Variants in ABCC6 observed in about 807,000 individuals in gnomAD.
ABCC6 encodes ATP binding cassette subfamily C member 6, also known as ATP-binding cassette sub-family C member 6.
A neutral mutation model predicts 169.5 loss-of-function variants in ABCC6; 126 were observed. That is an observed-to-expected ratio of 0.74 (90% CI 0.64 to 0.86). The LOEUF (loss-of-function observed/expected upper bound fraction) is 0.86, where lower values mean the gene tolerates loss of function less well. Ranked by LOEUF, ABCC6 falls within the 40% of genes least tolerant of loss-of-function variation. ABCC6 has a pLI of 0.00. For missense variants in ABCC6, 1,733 were observed against 1,927.2 expected (o/e 0.90, Z 1.89); for synonymous variants, 752 against 814.7 (o/e 0.92, Z 1.31).
At chr16:16,183,193 C>A (rs1211763696) in intron 15 of ABCC6, among the ~76,000 whole-genome samples, 4 of 152,208 alleles carry the variant, frequency 2.6e-5, no homozygotes, top group African/African-American at 7.2e-5. Flanking sequence ...CACAGCAACA[C>A]AATGTGGGCA....
At chr16:16,165,123 T>G (rs543365307) in intron 23 of ABCC6, among the ~76,000 whole-genome samples, 9 of 152,234 alleles carry the variant, frequency 5.9e-5, no homozygotes, top group Admixed American at 2.0e-4. Context: ...AATATTTAAC[T>G]GTGCCGTGGG....
chr16:16,185,118 G>A (rs531716557), intron 14 of ABCC6, 84 bp from the exon 15 acceptor site: 11 of 1,180,532 alleles, frequency 9.3e-6, no homozygotes, highest in East Asian at 4.8e-5. Flanking sequence ...ACCATCCCCC[G>A]CCCCCCCCAG....
intron 21 of ABCC6, among the ~76,000 whole-genome samples, chr16:16,171,403 C>T (rs1237614246): frequency 6.6e-6 from 1 of 152,138 alleles, no homozygotes; most frequent in East Asian, 1.9e-4. Flanking sequence ...TTCTTTATAG[C>T]ACTTATTGTT....
rs769753486 is a variant in ABCC6 at position 16,182,422 on chromosome 16, A to G, written c.2237T>C (p.Ile746Thr). The G allele has an allele frequency of 4.3e-5, 69 of 1,613,716 alleles. No homozygotes were observed. The highest frequency in any genetic ancestry group is 2.2e-4 in the Admixed American group (13 of 59,966). ...DSFPEGIHTSIGEQGMNLSGG... is the reference protein window; with the variant it reads ...DSFPEGIHTSTGEQGMNLSGG... Reference sequence around the variant, plus strand: ...CCCCCAAACTCTCACCTGCTCCCCAATTGAAGTGTGGATTCCCTCAGGGAA... The same window carrying G: ...CCCCCAAACTCTCACCTGCTCCCCAGTTGAAGTGTGGATTCCCTCAGGGAA... Residue 746 changes from isoleucine to threonine, a missense_variant, in exon 17 of 31, where the codon ATT (isoleucine) becomes ACT (threonine). Ile to Thr is a moderately conservative substitution (Grantham distance 89, BLOSUM62 -1). Around this residue, in one of 5 missense-constraint regions of ABCC6, gnomAD observed 1,601 missense variants for 1,635.5 expected, o/e 0.98. Transcript: ENST00000205557.
intron 8 of ABCC6, among the ~76,000 whole-genome samples, chr16:16,202,993 G>C (rs1286039622): frequency 2.6e-5 from 4 of 152,086 alleles, no homozygotes; most frequent in Admixed American, 2.6e-4. Flanking sequence ...TTGGAGGATG[G>C]GGACCCACAT....
intron 17 of ABCC6, among the ~76,000 whole-genome samples, chr16:16,179,443 C>T (rs2047398685): frequency 6.6e-6 from 1 of 152,140 alleles, no homozygotes; most frequent in South Asian, 2.1e-4. Context: ...GGGCAGTGGT[C>T]CCCAGCCTTT....
At chr16:16,206,899 G>T (rs943194438) in intron 7 of ABCC6, among the ~76,000 whole-genome samples, 1 of 152,130 alleles carries the variant, frequency 6.6e-6, no homozygotes, top group Admixed American at 6.6e-5. Context: ...CACCTTGAGA[G>T]GCCAAGGCAG....
At chr16:16,183,452 G>A (rs888326268) in intron 15 of ABCC6, among the ~76,000 whole-genome samples, 13 of 152,054 alleles carry the variant, frequency 8.5e-5, no homozygotes, top group South Asian at 2.1e-4. Context: ...TGACCAGAGG[G>A]ATCTGTTAAA....
chr16:16,173,295 G>C lies in ABCC6; in HGVS notation c.2776C>G (p.Gln926Glu), dbSNP rs775190553. ...AAGCTGGTGGTTACCCTGCCGTATT[G>C]GATGCTGTCCTTTCCTGCTGGCCAT... ...AGWPAGKDSI[Q>E]YGRVKATVHL... Residue 926 changes from glutamine to glutamate, a missense_variant, in exon 21 of 31, where the codon CAA becomes GAA. Physicochemically the swap from Gln to Glu is conservative, Grantham distance 29. Coordinates refer to ENST00000205557, the MANE Select transcript of ABCC6 (RefSeq NM_001171.6). 6.2e-7 allele frequency: 1 copy of C among 1,613,974 alleles called. No homozygotes were observed. Among genetic ancestry groups the C allele is most frequent in the South Asian group, 1.1e-5 (1 of 91,072 alleles).
chr16:16,190,112 C>A (rs1000888314), intron 12 of ABCC6, 52 bp downstream of exon 12: 8 of 1,600,398 alleles, frequency 5.0e-6, no homozygotes, highest in African/African-American at 4.0e-5. Flanking sequence ...CTGCCCCCAC[C>A]CCCGCACTCC....
At chr16:16,189,182 G>A (rs553222755) in intron 12 of ABCC6, among the ~76,000 whole-genome samples, 4 of 152,314 alleles carry the variant, frequency 2.6e-5, no homozygotes, top group South Asian at 2.1e-4. Context: ...AAGACACAGC[G>A]CATTGCTAAT....
intron 25 of ABCC6, 137 bp downstream of exon 25, chr16:16,161,301 C>T (rs1180993494): frequency 1.8e-5 from 24 of 1,305,036 alleles, no homozygotes; most frequent in South Asian, 5.4e-5. Context: ...TGTAGAGCTG[C>T]GTGTCCCTCC....
At chr16:16,182,271 C>T (rs1339357241) in intron 17 of ABCC6, 141 bp downstream of exon 17, 16 of 1,049,348 alleles carry the variant, frequency 1.5e-5, no homozygotes, top group African/African-American at 6.3e-5. Context: ...ACGTGCTTGA[C>T]GCTGAGCTGA....
At chr16:16,204,627 C>G (rs1354148734) in intron 7 of ABCC6, among the ~76,000 whole-genome samples, 1 of 151,972 alleles carries the variant, frequency 6.6e-6, no homozygotes, top group Non-Finnish European at 1.5e-5. Flanking sequence ...GGGGGAGGCC[C>G]GAGGGCCCCT....
chr16:16,209,881 C>G (rs542258127), intron 6 of ABCC6, among the ~76,000 whole-genome samples: 1 of 152,308 alleles, frequency 6.6e-6, no homozygotes, highest in South Asian at 2.1e-4. Flanking sequence ...CAGGCGTAAG[C>G]CACCACACCT....
At position 16,213,096 on chromosome 16, in the gene ABCC6, T is replaced by C. The variant is rs188644485; in HGVS notation, c.601-850A>G. ...GCCTTCGAGCAATTTTTTTTTTTTTTTTTTTGAATACAGGGTCTCGCTCTG... is the reference window on the plus strand; with the variant it reads ...GCCTTCGAGCAATTTTTTTTTTTTTCTTTTTGAATACAGGGTCTCGCTCTG... On this transcript the variant is annotated intron_variant, in intron 5 of 30. Transcript: ENST00000205557. Among the ~76,000 whole-genome samples the C allele has an allele frequency of 4.7e-3, 708 of 151,732 alleles. 3 individuals carry two copies. The highest frequency in any genetic ancestry group is 7.0e-3 in the Non-Finnish European group (477 of 67,878).
At chr16:16,212,312 A>ATT (rs879019134) in intron 5 of ABCC6, 66 bp from the exon 6 acceptor site, 286 of 751,800 alleles carry the variant, frequency 3.8e-4, no homozygotes, top group East Asian at 5.3e-4. Flanking sequence ...CGAACTGTGT[A>ATT]TTTTTTTTTT....
rs545166514 is a variant in ABCC6 at position 16,173,938 on chromosome 16, C to T, written c.2667-534G>A. Among the ~76,000 whole-genome samples the T allele has an allele frequency of 4.1e-4, 63 of 152,284 alleles. 1 individual carries two copies. The South Asian group carries it at 4.4e-3, about 11-fold the overall frequency. On this transcript the variant is annotated intron_variant, in intron 20 of 30. Coordinates refer to ENST00000205557, the MANE Select transcript of ABCC6 (RefSeq NM_001171.6). ...GGCAGAATATAAATTATGCACAATT[C>T]AGATGCTAAAGACTCTTTGAATGTT...
At chr16:16,181,451 C>T (rs1164990456) in intron 17 of ABCC6, among the ~76,000 whole-genome samples, 1 of 151,802 alleles carries the variant, frequency 6.6e-6, no homozygotes, top group Non-Finnish European at 1.5e-5. Context: ...GGAAAGGCCT[C>T]TCTGTGAAGG....
Sources: allele counts gnomAD v4.1 joint callset (sites outside exome capture counted in the v4.1 genomes callset), GRCh38; gene constraint gnomAD v4.1.1; regional missense constraint gnomAD v4.1.1; transcripts MANE v1.5; gene names NCBI Gene and HGNC (gene_info 2026-07-23, HGNC 2026-07-21).